Variants in GUCY1A2 observed in about 807,000 individuals in gnomAD.
GUCY1A2 encodes the protein guanylate cyclase soluble subunit alpha-2.
A neutral mutation model predicts 63.5 loss-of-function variants in GUCY1A2; 27 were observed. The observed-to-expected ratio is 0.43, with a 90% CI of 0.31 to 0.59. GUCY1A2 has a LOEUF of 0.59. GUCY1A2 is among the 20% of genes least tolerant of loss of function. The probability of loss-of-function intolerance (pLI) is 0.11; values close to 1 mark genes in which losing one functional copy is unlikely to be tolerated. For missense variants in GUCY1A2, 768 were observed against 913.3 expected, an observed-to-expected ratio of 0.84 and a Z score of 2.05; for synonymous variants, 364 against 343.5, an observed-to-expected ratio of 1.06 and a Z score of -0.66.
intron 1 of GUCY1A2, among the ~76,000 whole-genome samples, chr11:106,989,510 G>A (rs747091760): frequency 2.6e-5 from 4 of 152,154 alleles, no homozygotes; most frequent in Admixed American, 1.3e-4. Flanking sequence ...CACAGTCGGT[G>A]TGTAATAAAT....
chr11:107,000,440 T>G (rs1861599614), intron 1 of GUCY1A2, among the ~76,000 whole-genome samples: 1 of 152,246 alleles, frequency 6.6e-6, no homozygotes, highest in South Asian at 2.1e-4. Context: ...CTCATCATTA[T>G]CACTCCCTAC....
chr11:106,835,955 A>C (rs1859111749), intron 4 of GUCY1A2, among the ~76,000 whole-genome samples: 1 of 152,016 alleles, frequency 6.6e-6, no homozygotes, highest in Admixed American at 6.6e-5. Flanking sequence ...AAATCTAAGC[A>C]AAAATTTTCT....
chr11:107,004,328 T>A (rs1239321690), intron 1 of GUCY1A2, among the ~76,000 whole-genome samples: 4 of 152,254 alleles, frequency 2.6e-5, no homozygotes, highest in Admixed American at 2.0e-4. Flanking sequence ...CTTCTCTGAA[T>A]CGAAATTTTC....
intron 6 of GUCY1A2, among the ~76,000 whole-genome samples, chr11:106,729,612 G>C (rs1168203549): frequency 1.3e-5 from 2 of 152,084 alleles, no homozygotes; most frequent in Admixed American, 6.6e-5. Context: ...AATGACACAA[G>C]CCAGCTTATT....
At chr11:106,908,297 C>T (rs529532902) in intron 4 of GUCY1A2, among the ~76,000 whole-genome samples, 7 of 151,914 alleles carry the variant, frequency 4.6e-5, no homozygotes, top group South Asian at 4.2e-4. Flanking sequence ...ATAAATATAA[C>T]GTAGTCTTAA....
intron 2 of GUCY1A2, among the ~76,000 whole-genome samples, chr11:106,979,454 CAAAAAAAAAAA>C (rs368315276): frequency 1.7e-5 from 1 of 59,484 alleles, no homozygotes; most frequent in Admixed American, 1.7e-4. Context: ...GACTCCGTCT[CAAAAAAAAAAA>C]AAAAAAAAAA....
intron 6 of GUCY1A2, among the ~76,000 whole-genome samples, chr11:106,747,110 C>T (rs112366454): frequency 3.9e-5 from 6 of 152,246 alleles, no homozygotes; most frequent in African/African-American, 1.4e-4. Flanking sequence ...GCCTCAGCCT[C>T]CCAAATAGCT....
intron 5 of GUCY1A2, among the ~76,000 whole-genome samples, chr11:106,797,192 G>T (rs192293075): frequency 6.6e-6 from 1 of 152,082 alleles, no homozygotes; most frequent in East Asian, 1.9e-4. Flanking sequence ...TTTTTTCAAG[G>T]TTTTAACTTC....
chr11:106,918,397 C>G (rs560686230), intron 4 of GUCY1A2, among the ~76,000 whole-genome samples: 1 of 145,654 alleles, frequency 6.9e-6, no homozygotes, highest in Non-Finnish European at 1.5e-5. Context: ...TTACCCAACA[C>G]ACCATTTTTT....
intron 4 of GUCY1A2, among the ~76,000 whole-genome samples, chr11:106,911,358 C>G (rs960006243): frequency 1.3e-5 from 2 of 152,032 alleles, no homozygotes; most frequent in African/African-American, 4.8e-5. Context: ...ATGTTAAACC[C>G]ACTTTAATCA....
At chr11:106,688,576 A>T (rs1862568088) in intron 7 of GUCY1A2, among the ~76,000 whole-genome samples, 1 of 152,182 alleles carries the variant, frequency 6.6e-6, no homozygotes, top group African/African-American at 2.4e-5. Flanking sequence ...GAACACATCT[A>T]AAAAGCTCAC....
intron 4 of GUCY1A2, among the ~76,000 whole-genome samples, chr11:106,879,000 T>C (rs751187416): frequency 1.3e-5 from 2 of 152,078 alleles, no homozygotes; most frequent in South Asian, 4.1e-4. Flanking sequence ...ACTACCAACA[T>C]TGCTTTCAAT....
chr11:106,709,659 ACACGTATAGAATATATAG>A (rs1565264998), intron 6 of GUCY1A2, among the ~76,000 whole-genome samples: 3 of 122,506 alleles, frequency 2.4e-5, no homozygotes, highest in African/African-American at 3.5e-5. Flanking sequence ...ATAGTTATAT[ACACGTATAGAATATATAG>A]TTATATATTA....
intron 4 of GUCY1A2, among the ~76,000 whole-genome samples, chr11:106,846,643 T>G (rs2135447537): frequency 6.6e-6 from 1 of 151,782 alleles, no homozygotes; most frequent in South Asian, 2.1e-4. Flanking sequence ...CGCTCTGACC[T>G]CTTCGACACT....
At chr11:106,783,422 GA>G (rs1337597862) in intron 5 of GUCY1A2, among the ~76,000 whole-genome samples, 1 of 152,032 alleles carries the variant, frequency 6.6e-6, no homozygotes, top group Non-Finnish European at 1.5e-5. Flanking sequence ...ACTGATACCA[GA>G]ACAGCCTGAG....
chr11:106,707,445 AT>A (rs913337392), intron 7 of GUCY1A2, among the ~76,000 whole-genome samples: 4 of 151,882 alleles, frequency 2.6e-5, no homozygotes, highest in Non-Finnish European at 5.9e-5. Flanking sequence ...CCTACTATAC[AT>A]TTTTTTCAGT....
intron 4 of GUCY1A2, among the ~76,000 whole-genome samples, chr11:106,828,046 C>T (rs1858998541): frequency 6.6e-6 from 1 of 152,126 alleles, no homozygotes; most frequent in African/African-American, 2.4e-5. Context: ...TTTAATGTAG[C>T]TCTTTATTTT....
chr11:106,725,152 C>CTT lies in GUCY1A2; in HGVS notation c.1837-16488_1837-16487dup, dbSNP rs773251118. 3.1e-3 allele frequency among the ~76,000 whole-genome samples: 71 copies of CTT among 22,988 alleles called. 34 individuals carry two copies. Among genetic ancestry groups the CTT allele is most frequent in the African/African-American group, 5.3e-3 (30 of 5,700 alleles). The allele number at this position is 22,988 out of a possible 152,430, so 15.1% of individuals were successfully genotyped here. A position where few individuals can be genotyped will look rare whatever the true frequency, so the allele number is the denominator to read the frequency against. ...ATGTATCTTCTTATTGACATAAATT[C>CTT]TTTTTTTTTTTTTTTTTTTTTTTTT... On this transcript the variant is annotated intron_variant, in intron 6 of 7. Transcript: ENST00000526355.
rs1862459806 is a variant in GUCY1A2, at chr11:106,683,164, A to G, written c.*4385T>C. On this transcript the variant is annotated 3_prime_UTR_variant, in exon 8 of 8. Transcript: ENST00000526355. Reference sequence around the variant, plus strand: ...TGTTAAACTTCAATAATTCAGTCTCATGCATCATGATTTTTGGGTTATATC... The same window carrying G: ...TGTTAAACTTCAATAATTCAGTCTCGTGCATCATGATTTTTGGGTTATATC... The G allele has an allele frequency of 4.7e-6, 1 of 214,680 alleles. No individual in the cohort carries two copies. The highest frequency in any genetic ancestry group is 2.3e-5 in the African/African-American group (1 of 44,298). 13.3% of individuals were successfully genotyped at this position (214,680 alleles called of 1,614,324 possible). A position where few individuals can be genotyped will look rare whatever the true frequency, so the allele number is the denominator to read the frequency against.
Sources: gnomAD v4.1 joint callset for allele counts (sites outside exome capture counted in the v4.1 genomes callset) on GRCh38, gnomAD v4.1.1 for gene constraint, MANE v1.5 for transcripts, NCBI Gene and HGNC (gene_info 2026-07-23, HGNC 2026-07-21) for gene names.